Variants in SPEF2 observed in about 807,000 individuals in gnomAD.
The protein encoded by SPEF2 is sperm flagella and cilia-associated protein 2.
In SPEF2, 187 loss-of-function variants were observed where a neutral mutation model predicts 224.6. The observed-to-expected ratio is 0.83, with a 90% CI of 0.74 to 0.94. The LOEUF (loss-of-function observed/expected upper bound fraction) is 0.94. Among genes scored for constraint, SPEF2 ranks in the 40% least tolerant of loss-of-function variants. The probability of loss-of-function intolerance (pLI) is 0.00; values close to 1 mark genes in which losing one functional copy is unlikely to be tolerated. For synonymous variants in SPEF2, 715 were observed against 707.3 expected (o/e 1.01, Z -0.17); for missense variants, 2,170 against 2,135.6 (o/e 1.02, Z -0.32).
At position 35,617,876 on chromosome 5, in the gene SPEF2, C is replaced by G. The variant is rs1386052892; in HGVS notation, c.-122C>G. 1.1e-6 allele frequency: 1 copy of G among 949,092 alleles called. No individual in the cohort carries two copies. The highest frequency in any genetic ancestry group is 1.7e-6 in the Non-Finnish European group (1 of 602,302). 58.8% of individuals were successfully genotyped at this position (949,092 alleles called of 1,614,324 possible). On this transcript the variant is annotated 5_prime_UTR_variant, in exon 1 of 37. Transcript: ENST00000356031. ...CTTCTCTAAGGCCTTTCGCCTAGTTCCAGCCTGGATACGCTTCCATAGCAA... is the reference window on the plus strand; with the variant it reads ...CTTCTCTAAGGCCTTTCGCCTAGTTGCAGCCTGGATACGCTTCCATAGCAA...
chr5:35,755,469 G>A, intron 24 of SPEF2, among the ~76,000 whole-genome samples: 1 of 152,146 alleles, frequency 6.6e-6, no homozygotes, highest in East Asian at 1.9e-4. Flanking sequence ...ACAATCCCTA[G>A]ATAGAGGACT....
chr5:35,685,378 T>A (rs927283659), intron 10 of SPEF2, among the ~76,000 whole-genome samples: 1 of 152,136 alleles, frequency 6.6e-6, no homozygotes, highest in Non-Finnish European at 1.5e-5. Flanking sequence ...CTTACCAAAG[T>A]TGACAACTTA....
At position 35,691,273 on chromosome 5, in the gene SPEF2, T is replaced by C. The variant is rs760327816; in HGVS notation, c.1744+17T>C. The stretch of plus-strand genomic sequence containing the variant: ...TACAAAAAGGTAGAATTTCTTCTCC[T>C]ACTCTCCCTGCCATTAGGTCCTATT... On this transcript the variant is annotated intron_variant, in intron 11 of 36. Coordinates refer to ENST00000356031, the MANE Select transcript of SPEF2 (RefSeq NM_024867.4). 2 of 1,599,884 alleles carry C rather than the reference T, an allele frequency of 1.3e-6. No individual in the cohort carries two copies. Among genetic ancestry groups the C allele is most frequent in the Admixed American group, 1.7e-5 (1 of 59,916 alleles).
rs544379841 is a variant in SPEF2, at chr5:35,812,277, T to C, written c.5380-2187T>C. Among the ~76,000 whole-genome samples, 7 of 152,280 alleles carry C rather than the reference T, an allele frequency of 4.6e-5. No individual in the cohort carries two copies. In the South Asian group the frequency reaches 1.5e-3, roughly 32 times the overall value. On this transcript the variant is annotated intron_variant, in intron 36 of 36. Transcript: ENST00000356031. ...TGTCTTTGGAAAAAAAGAAGGACTT[T>C]ACTGGTGCAGTGCCATGATGATAAA...
chr5:35,689,317 T>C (rs960352918), intron 10 of SPEF2, among the ~76,000 whole-genome samples: 2 of 152,184 alleles, frequency 1.3e-5, no homozygotes, highest in Non-Finnish European at 2.9e-5. Flanking sequence ...TTCTTCCCGC[T>C]TCCTGCTTTT....
chr5:35,725,227 A>G (rs1744429076), intron 20 of SPEF2, among the ~76,000 whole-genome samples: 1 of 152,182 alleles, frequency 6.6e-6, no homozygotes, highest in African/African-American at 2.4e-5. Context: ...TTTGATTGCC[A>G]TTGTTGGCAG....
chr5:35,751,502 A>T (rs576911573), intron 23 of SPEF2, among the ~76,000 whole-genome samples: 3 of 152,064 alleles, frequency 2.0e-5, no homozygotes, highest in African/African-American at 7.2e-5. Flanking sequence ...AAAAATATAT[A>T]AATATTTGAT....
intron 7 of SPEF2, 65 bp downstream of exon 7, chr5:35,654,791 C>T (rs543504046): frequency 6.4e-6 from 9 of 1,407,810 alleles, no homozygotes; most frequent in East Asian, 4.6e-5. Context: ...GTCTTCTATA[C>T]ACATAATATG....
chr5:35,734,700 CTTTTTTTTCTTTTTTTTT>C (rs1486504904), intron 21 of SPEF2, among the ~76,000 whole-genome samples: 4 of 29,362 alleles, frequency 1.4e-4, no homozygotes, highest in African/African-American at 1.9e-4. Flanking sequence ...GAATTGCTTT[CTTTTTTTTCTTTTTTTTT>C]TTTTTTTTTT....
In SPEF2 at chr5:35,759,637, A is replaced by G; in HGVS notation, c.3538A>G (p.Ile1180Val). The G allele has an allele frequency of 8.7e-6, 14 of 1,612,154 alleles. No homozygotes were observed. Among genetic ancestry groups the G allele is most frequent in the Non-Finnish European group, 1.2e-5 (14 of 1,178,666 alleles). The change falls in exon 25 of 37, where the codon ATC (isoleucine) becomes GTC (valine). Residue 1180 changes from isoleucine to valine, a missense_variant. Physicochemically the swap from Ile to Val is conservative, Grantham distance 29. Transcript: ENST00000356031. ...QDYYWGMESK[I>V]PVEDNKRFTR... Reference sequence around the variant, plus strand: ...TTATTACTGGGGAATGGAAAGTAAAATCCCAGTAGAGGACAACAAGAGATT... The same window carrying G: ...TTATTACTGGGGAATGGAAAGTAAAGTCCCAGTAGAGGACAACAAGAGATT...
chr5:35,655,909 T>C (rs1748892038), intron 7 of SPEF2, among the ~76,000 whole-genome samples: 1 of 152,178 alleles, frequency 6.6e-6, no homozygotes, highest in Non-Finnish European at 1.5e-5. Context: ...GGAGAATAGA[T>C]TACAGAAGGG....
At chr5:35,714,453 T>A (rs1353647815) in intron 20 of SPEF2, among the ~76,000 whole-genome samples, 1 of 152,016 alleles carries the variant, frequency 6.6e-6, no homozygotes, top group Non-Finnish European at 1.5e-5. Flanking sequence ...ATATGTACTC[T>A]GTAACTATTT....
chr5:35,792,223 C>A, intron 30 of SPEF2, 117 bp from the exon 31 acceptor site: 2 of 578,932 alleles, frequency 3.5e-6, no homozygotes, highest in South Asian at 5.1e-5. Flanking sequence ...TAAAACTTAC[C>A]ATTTTATATA....
chr5:35,789,438 C>A, intron 30 of SPEF2: 1 of 683,052 alleles, frequency 1.5e-6, no homozygotes, highest in Non-Finnish European at 2.7e-6. Context: ...AAATTATCTG[C>A]CAGATGTTTC....
intron 10 of SPEF2, among the ~76,000 whole-genome samples, chr5:35,687,826 A>C (rs183777477): frequency 2.9e-3 from 444 of 152,318 alleles, no homozygotes; most frequent in Non-Finnish European, 4.7e-3. Flanking sequence ...CATTTTTCTT[A>C]ATAGTCAAAT....
At chr5:35,784,803 G>A (rs1189721800) in intron 30 of SPEF2, among the ~76,000 whole-genome samples, 1 of 152,042 alleles carries the variant, frequency 6.6e-6, no homozygotes. Flanking sequence ...ATTTTCAAAG[G>A]CATTTAGAGC....
chr5:35,755,829 C>T (rs1484478845), intron 24 of SPEF2, among the ~76,000 whole-genome samples: 2 of 152,128 alleles, frequency 1.3e-5, no homozygotes, highest in Admixed American at 6.5e-5. Flanking sequence ...AGGCTGCTCT[C>T]GAGCTCCTGA....
In SPEF2 at chr5:35,704,701, C is replaced by G. The variant is rs1001413527; in HGVS notation, c.2507+39C>G. The G allele has an allele frequency of 3.4e-6, 4 of 1,179,792 alleles. No homozygotes were observed. In the East Asian group the frequency reaches 7.0e-5, roughly 21 times the overall value. The allele number at this position is 1,179,792 out of a possible 1,614,324, so 73.1% of individuals were successfully genotyped here. ...TAAATGCTCTGCTTCTTGTTTCATG[C>G]TTTTTAAATAGATTGACAACAACTT... is the stretch of plus-strand genomic sequence containing the variant. On this transcript the variant is annotated intron_variant, in intron 17 of 36. Coordinates refer to ENST00000356031, the MANE Select transcript of SPEF2 (RefSeq NM_024867.4).
intron 8 of SPEF2, among the ~76,000 whole-genome samples, chr5:35,661,082 A>G (rs1749621821): frequency 6.6e-6 from 1 of 151,896 alleles, no homozygotes; most frequent in Non-Finnish European, 1.5e-5. Flanking sequence ...GCTGGTACAT[A>G]AGTAGGAGCT....
Sources: gnomAD v4.1 joint callset for allele counts (sites outside exome capture counted in the v4.1 genomes callset) on GRCh38, gnomAD v4.1.1 for gene constraint, MANE v1.5 for transcripts, NCBI Gene and HGNC (gene_info 2026-07-23, HGNC 2026-07-21) for gene names.